The following CHODL variants were observed in gnomAD, a reference collection of about 807,000 sequenced individuals.
CHODL encodes transmembrane protein MT75.
CHODL carries 29 observed loss-of-function variants against 34.5 expected under a neutral mutation model. The ratio of observed to expected loss-of-function variants is 0.84; its 90% CI spans 0.63 to 1.15. The LOEUF is 1.15. Ranked by LOEUF, CHODL falls within the 50% of genes most tolerant of loss-of-function variation. CHODL has a pLI of 0.00. For missense variants in CHODL, 332 were observed against 332.5 expected (o/e 1.00, Z 0.01); for synonymous variants, 125 against 116.1 (o/e 1.08, Z -0.49).
intron 2 of CHODL, among the ~76,000 whole-genome samples, chr21:18,060,834 C>T (rs1223380964): frequency 1.3e-5 from 2 of 151,876 alleles, no homozygotes; most frequent in African/African-American, 2.4e-5. Flanking sequence ...GCTTCAGAGA[C>T]TCACCTGAGG....
chr21:18,070,025 T>TTCCCTC (rs1555860424), intron 2 of CHODL, among the ~76,000 whole-genome samples: 471 of 29,102 alleles, frequency 0.016, 10 homozygotes, highest in Middle Eastern at 0.062. Context: ...TTCCCTTCCC[T>TTCCCTC]CCCCCCCCCC....
chr21:18,211,146 A>ACACACG, intron 2 of CHODL, among the ~76,000 whole-genome samples: 1 of 137,146 alleles, frequency 7.3e-6, no homozygotes, highest in Non-Finnish European at 1.7e-5. Flanking sequence ...ATGGATACAC[A>ACACACG]CACACACACA....
chr21:18,266,034 T>TATA lies in CHODL; in HGVS notation c.*1_*3dup. 1.2e-6 allele frequency: 2 copies of TATA among 1,613,652 alleles called. No individual in the cohort carries two copies. On this transcript the variant is annotated stop_gained and inframe_insertion, in exon 6 of 6. Coordinates refer to ENST00000299295, the MANE Select transcript of CHODL (RefSeq NM_024944.3). LOFTEE classifies it high-confidence loss of function. ...ACCAGAAAAGAAAGTGGCATGGAAG[T>TATA]ATAATAACTCATTGACTTGGTTCCA...
At chr21:18,047,432 A>G (rs1023532863) in intron 2 of CHODL, among the ~76,000 whole-genome samples, 1 of 151,988 alleles carries the variant, frequency 6.6e-6, no homozygotes, top group African/African-American at 2.4e-5. Context: ...TTTTTATATT[A>G]AAAATGGAAT....
chr21:17,948,494 T>G (rs1393954082), intron 1 of CHODL, among the ~76,000 whole-genome samples: 1 of 151,928 alleles, frequency 6.6e-6, no homozygotes, highest in Non-Finnish European at 1.5e-5. Context: ...AATTAAGAGT[T>G]TGTTTTTTGA....
At position 18,126,449 on chromosome 21, in the gene CHODL, C is replaced by T. The variant is rs76302025; in HGVS notation, c.-45+98478C>T. Among the ~76,000 whole-genome samples the T allele has an allele frequency of 8.1e-3, 1,232 of 152,304 alleles. 19 individuals are homozygous for T. The highest frequency in any genetic ancestry group is 0.028 in the African/African-American group (1,168 of 41,550). ...CTTTATTGCTATATTCACTTTATTA[C>T]GGTTGTCTACAACCAAACCCACAAT... On this transcript the variant is annotated intron_variant, in intron 2 of 6. Coordinates refer to the CHODL transcript ENST00000400127.
intron 2 of CHODL, among the ~76,000 whole-genome samples, chr21:18,206,854 CTT>C (rs1387801959): frequency 1.4e-5 from 2 of 138,428 alleles, no homozygotes; most frequent in African/African-American, 5.5e-5. Context: ...CAAATAATAT[CTT>C]ATAACCCATT....
intron 2 of CHODL, among the ~76,000 whole-genome samples, chr21:18,166,080 C>T (rs2073149371): frequency 6.6e-6 from 1 of 152,250 alleles, no homozygotes; most frequent in South Asian, 2.1e-4. Flanking sequence ...CCAGGCCGCA[C>T]CCTTTCTGGA....
At chr21:18,215,862 A>C (rs2146730080) in intron 2 of CHODL, among the ~76,000 whole-genome samples, 1 of 152,262 alleles carries the variant, frequency 6.6e-6, no homozygotes, top group Admixed American at 6.5e-5. Context: ...ATCTTAACTA[A>C]ATTGGTCTCT....
At chr21:17,966,212 G>A (rs988854541) in intron 1 of CHODL, among the ~76,000 whole-genome samples, 1 of 152,214 alleles carries the variant, frequency 6.6e-6, no homozygotes, top group Middle Eastern at 3.4e-3. Context: ...GAATCCCAAT[G>A]AAGGTTTTGC....
At chr21:17,986,828 G>T (rs370088538) in intron 1 of CHODL, among the ~76,000 whole-genome samples, 6 of 152,038 alleles carry the variant, frequency 3.9e-5, no homozygotes, top group Admixed American at 6.6e-5. Context: ...TAATTAATCA[G>T]ATTATTTCCA....
intron 1 of CHODL, among the ~76,000 whole-genome samples, chr21:17,980,717 G>C (rs2063706964): frequency 6.6e-6 from 1 of 152,150 alleles, no homozygotes; most frequent in East Asian, 1.9e-4. Flanking sequence ...AGAACTTACA[G>C]TTAAATACTT....
At position 18,257,106 on chromosome 21, in the gene CHODL, T is replaced by C; in HGVS notation, c.526T>C (p.Tyr176His). The C allele has an allele frequency of 6.2e-7, 1 of 1,612,506 alleles. No homozygotes were observed. Among genetic ancestry groups the C allele is most frequent in the South Asian group, 1.1e-5 (1 of 90,872 alleles). Reference protein sequence around the residue: ...NDDRCNMKHNYICKYEPEINP... With the variant: ...NDDRCNMKHNHICKYEPEINP... ...TGACAGGTGTAACATGAAGCACAAT[T>C]ATATTTGCAAGTATGAACCAGGTAA... Residue 176 changes from tyrosine to histidine, a missense_variant, in exon 3 of 6, where the codon TAT (tyrosine) becomes CAT (histidine). Coordinates refer to ENST00000299295, the MANE Select transcript of CHODL (RefSeq NM_024944.3).
intron 2 of CHODL, among the ~76,000 whole-genome samples, chr21:18,086,423 T>A (rs2065008246): frequency 6.6e-6 from 1 of 152,116 alleles, no homozygotes; most frequent in African/African-American, 2.4e-5. Context: ...CATATTTCTC[T>A]TTTTTTCATG....
rs987690687 is a variant in CHODL, at chr21:18,090,669, T to TA, written c.-45+62705dup. Among the ~76,000 whole-genome samples the TA allele has an allele frequency of 1.7e-4, 15 of 87,936 alleles. 1 individual carries two copies. The highest frequency in any genetic ancestry group is 1.6e-3 in the Admixed American group (14 of 8,552). The allele number at this position is 87,936 out of a possible 152,430, so 57.7% of individuals were successfully genotyped here. A position where few individuals can be genotyped will look rare whatever the true frequency, so the allele number is the denominator to read the frequency against. ...AATATAGAAAATATGAAAAGGAAAA[T>TA]AAAAAAATGTAGAGTATAACTTTAA... On this transcript the variant is annotated intron_variant, in intron 2 of 6. Transcript: ENST00000400127.
At chr21:18,221,242 C>T (rs1287507436) in intron 2 of CHODL, among the ~76,000 whole-genome samples, 1 of 151,880 alleles carries the variant, frequency 6.6e-6, no homozygotes, top group African/African-American at 2.4e-5. Context: ...TATGTTTGGT[C>T]CCTTTTTATA....
chr21:18,104,351 G>A (rs1047138309), intron 2 of CHODL, among the ~76,000 whole-genome samples: 2 of 152,000 alleles, frequency 1.3e-5, no homozygotes, highest in African/African-American at 2.4e-5. Context: ...TTCCCCCTTC[G>A]CTTGGCATTT....
rs1018070468 is a variant in CHODL, at chr21:17,936,068, C to T, written c.-145+18668C>T. 3.6e-4 allele frequency among the ~76,000 whole-genome samples: 20 copies of T among 56,322 alleles called. No homozygotes were observed. The African/African-American group carries it at 3.6e-3, about 10-fold the overall frequency. 36.9% of individuals were successfully genotyped at this position (56,322 alleles called of 152,430 possible). ...AACATGAAGCAGAGTCTTCTGACAACTCATTATCATATCGTAGAAATAGAA... is the reference window on the plus strand; with the variant it reads ...AACATGAAGCAGAGTCTTCTGACAATTCATTATCATATCGTAGAAATAGAA... On this transcript the variant is annotated intron_variant, in intron 1 of 6. Transcript: ENST00000400127.
At chr21:18,040,884 C>T (rs1011211724) in intron 2 of CHODL, among the ~76,000 whole-genome samples, 2 of 151,754 alleles carry the variant, frequency 1.3e-5, no homozygotes, top group South Asian at 2.1e-4. Flanking sequence ...CATTTTTCCT[C>T]TTCCCTTGAT....
Sources: gnomAD v4.1 joint callset for allele counts (sites outside exome capture counted in the v4.1 genomes callset) on GRCh38, gnomAD v4.1.1 for gene constraint, MANE v1.5 for transcripts, NCBI Gene and HGNC (gene_info 2026-07-23, HGNC 2026-07-21) for gene names.